MORN1: variants seen among roughly 807,000 people sequenced by gnomAD.
MORN1 encodes the protein MORN repeat containing 1.
A neutral mutation model predicts 61.9 loss-of-function variants in MORN1; 67 were observed. That is an observed-to-expected ratio of 1.08 (90% CI 0.89 to 1.33). MORN1 has a LOEUF of 1.33. Ranked by LOEUF, MORN1 falls within the 40% of genes most tolerant of loss-of-function variation. The pLI is 0.00. For missense variants in MORN1, 752 were observed against 691.2 expected (o/e 1.09, Z -0.99); for synonymous variants, 301 against 292.0 (o/e 1.03, Z -0.31).
Position 2,321,591 on chromosome 1 carries a change from G to T in MORN1, c.1298-12C>A, listed in dbSNP as rs370949395. The T allele has an allele frequency of 3.4e-6, 5 of 1,470,164 alleles. No individual in the cohort carries two copies. Among genetic ancestry groups the T allele is most frequent in the Non-Finnish European group, 4.5e-6 (5 of 1,106,648 alleles). 91.1% of individuals were successfully genotyped at this position (1,470,164 alleles called of 1,614,324 possible). On this transcript the variant is annotated splice_polypyrimidine_tract_variant and intron_variant, in intron 13 of 13. Coordinates refer to ENST00000378531, the MANE Select transcript of MORN1 (RefSeq NM_024848.3). Reference sequence around the variant, plus strand: ...GAGCACGTACTCCCCTGCAAGGGGCGGGTGGGCTGGTCCTCAGCAGGCTCC... The same window carrying T: ...GAGCACGTACTCCCCTGCAAGGGGCTGGTGGGCTGGTCCTCAGCAGGCTCC...
At position 2,322,899 on chromosome 1, in the gene MORN1, C is replaced by T. The variant is rs1025207518; in HGVS notation, c.1297+1198G>A. The T allele has an allele frequency of 7.7e-5, 76 of 985,430 alleles. No individual in the cohort carries two copies. In the East Asian group the frequency reaches 1.6e-3, roughly 21 times the overall value. The allele number at this position is 985,430 out of a possible 1,614,324, so 61.0% of individuals were successfully genotyped here. A position where few individuals can be genotyped will look rare whatever the true frequency, so the allele number is the denominator to read the frequency against. ...AGGGCTCTGGCTGGTGGCCACCGTG[C>T]GGCAGGCCGGGCCTCGACGGCCACG... On this transcript the variant is annotated intron_variant, in intron 13 of 13. Coordinates refer to ENST00000378531, the MANE Select transcript of MORN1 (RefSeq NM_024848.3).
chr1:2,366,368 C>A (rs1351045987), intron 8 of MORN1, among the ~76,000 whole-genome samples: 1 of 151,862 alleles, frequency 6.6e-6, no homozygotes, highest in Non-Finnish European at 1.5e-5. Flanking sequence ...AGGAGATATA[C>A]TTAATGCTAA....
At chr1:2,386,318 G>C (rs1233844216) in intron 4 of MORN1, 1 of 174,542 alleles carries the variant, frequency 5.7e-6, no homozygotes, top group African/African-American at 2.4e-5. Flanking sequence ...GGCAGGGCTT[G>C]ACCTGAACGA....
At chr1:2,341,712 A>G (rs1016566248) in intron 10 of MORN1, among the ~76,000 whole-genome samples, 5 of 151,360 alleles carry the variant, frequency 3.3e-5, no homozygotes, top group African/African-American at 1.2e-4. Context: ...AAAAAAAAAG[A>G]AAAAGAAAAG....
intron 12 of MORN1, among the ~76,000 whole-genome samples, chr1:2,329,505 C>A (rs534969780): frequency 6.6e-6 from 1 of 152,232 alleles, no homozygotes; most frequent in Admixed American, 6.5e-5. Context: ...CCCAGCCCCC[C>A]GCCTGCGGGA....
At chr1:2,350,922 A>G (rs1641630696) in intron 10 of MORN1, 1 of 152,424 alleles carries the variant, frequency 6.6e-6, no homozygotes, top group South Asian at 2.1e-4. Flanking sequence ...TGCTCTCTCG[A>G]AGCCTCCTTC....
chr1:2,359,252 G>C (rs530292287), intron 8 of MORN1, among the ~76,000 whole-genome samples: 1 of 152,142 alleles, frequency 6.6e-6, no homozygotes, highest in Non-Finnish European at 1.5e-5. Context: ...CGGGGGGATG[G>C]GCTCCCCCCT....
Position 2,384,972 on chromosome 1 carries a change from G to T in MORN1, c.537+6C>A, listed in dbSNP as rs750699371. 6.4e-6 allele frequency: 10 copies of T among 1,563,892 alleles called. No individual in the cohort carries two copies. Among genetic ancestry groups the T allele is most frequent in the Non-Finnish European group, 8.7e-6 (10 of 1,154,752 alleles). ...TGGGCAGCAGGTGCCGCGCGCCCCCGGGTACCTTGTAGGTGGAGCCGTCGG... is the reference window on the plus strand; with the variant it reads ...TGGGCAGCAGGTGCCGCGCGCCCCCTGGTACCTTGTAGGTGGAGCCGTCGG... On this transcript the variant is annotated splice_donor_region_variant and intron_variant, in intron 6 of 13. Coordinates refer to ENST00000378531, the MANE Select transcript of MORN1 (RefSeq NM_024848.3).
At chr1:2,369,373 A>G (rs1475125872) in intron 8 of MORN1, among the ~76,000 whole-genome samples, 1 of 151,590 alleles carries the variant, frequency 6.6e-6, no homozygotes, top group Non-Finnish European at 1.5e-5. Flanking sequence ...AAAAAAAAAA[A>G]AAGAAGACAG....
At position 2,324,133 on chromosome 1, in the gene MORN1, T is replaced by A; in HGVS notation, c.1261A>T (p.Arg421Ter). Residue 421 changes from arginine to a stop codon, truncating the protein, a stop_gained, in exon 13 of 14, where the codon AGA becomes TGA. Coordinates refer to ENST00000378531, the MANE Select transcript of MORN1 (RefSeq NM_024848.3). LOFTEE classifies it low-confidence loss of function (END_TRUNC). Reference sequence around the variant, plus strand: ...GCCGCAGCCTGCTCCTCCGTGGCTCTCCCCTCAGGCCTGTGGAGACGACAC... The same window carrying A: ...GCCGCAGCCTGCTCCTCCGTGGCTCACCCCTCAGGCCTGTGGAGACGACAC... ...EPPGGSRPEG[R>*]ATEEQAAAAH... The A allele has an allele frequency of 1.2e-6, 2 of 1,600,076 alleles. No homozygotes were observed. The highest frequency in any genetic ancestry group is 8.5e-7 in the Non-Finnish European group (1 of 1,174,638).
At chr1:2,369,498 TG>T in intron 8 of MORN1, among the ~76,000 whole-genome samples, 1 of 152,130 alleles carries the variant, frequency 6.6e-6, no homozygotes, top group South Asian at 2.1e-4. Context: ...GAAGTAAAAC[TG>T]TATTTATTTA....
chr1:2,349,026 G>C (rs1262406954), intron 10 of MORN1, among the ~76,000 whole-genome samples: 3 of 152,074 alleles, frequency 2.0e-5, no homozygotes, highest in African/African-American at 7.2e-5. Flanking sequence ...CTCAGCACAG[G>C]GACACCCCAT....
intron 6 of MORN1, among the ~76,000 whole-genome samples, chr1:2,383,380 A>G (rs941310295): frequency 3.6e-4 from 54 of 152,086 alleles, no homozygotes; most frequent in African/African-American, 1.2e-3. Flanking sequence ...GCACCCTAGA[A>G]AACCTCTCTA....
intron 6 of MORN1, among the ~76,000 whole-genome samples, chr1:2,379,505 A>G (rs950953966): frequency 6.6e-6 from 1 of 152,092 alleles, no homozygotes; most frequent in Non-Finnish European, 1.5e-5. Flanking sequence ...CTGTGCACAA[A>G]GGCACTCCAC....
At chr1:2,342,853 T>TTTTATTTTA in intron 10 of MORN1, among the ~76,000 whole-genome samples, 1 of 104,416 alleles carries the variant, frequency 9.6e-6, no homozygotes, top group South Asian at 2.9e-4. Context: ...TTTTATTTTA[T>TTTTATTTTA]TTTATTTTAT....
intron 2 of MORN1, among the ~76,000 whole-genome samples, chr1:2,388,775 CAAAAAAAAAAA>C (rs57362688): frequency 1.2e-4 from 8 of 64,564 alleles, no homozygotes; most frequent in South Asian, 1.1e-3. Flanking sequence ...AAGACTGTCT[CAAAAAAAAAAA>C]AAAAAAAAAA....
rs144624284 is a variant in MORN1 at position 2,338,697 on chromosome 1, C to A, written c.1037-1847G>T. 1.7e-4 allele frequency among the ~76,000 whole-genome samples: 26 copies of A among 152,302 alleles called. No individual in the cohort carries two copies. In the East Asian group the frequency reaches 2.7e-3, roughly 16 times the overall value. On this transcript the variant is annotated intron_variant, in intron 10 of 13. Coordinates refer to ENST00000378531, the MANE Select transcript of MORN1 (RefSeq NM_024848.3). ...TTAGAAGCCCAGCAGGCATTCCTGG[C>A]GTGCAAATAAACATATATCCACATG... is the stretch of plus-strand genomic sequence containing the variant.
intron 1 of MORN1, chr1:2,390,544 G>A: frequency 1.0e-6 from 1 of 985,410 alleles, no homozygotes; most frequent in Non-Finnish European, 1.2e-6. Flanking sequence ...CCAGGAATGG[G>A]CAGGGCTCCC....
At position 2,385,840 on chromosome 1, in the gene MORN1, T is replaced by C. The variant is rs139969895; in HGVS notation, c.416A>G (p.Asn139Ser). 6.9e-5 allele frequency: 112 copies of C among 1,613,812 alleles called. No homozygotes were observed. The highest frequency in any genetic ancestry group is 9.0e-5 in the Non-Finnish European group (106 of 1,180,010). ...CATCTGCCCAGGGCCGTGCCTCTTG[T>C]TGTCATGGAAGGAGCCCTGGTACAC... ...GQVYQGSFHD[N>S]KRHGPGQMLF... The change falls in exon 5 of 14, where the codon AAC (asparagine) becomes AGC (serine). Residue 139 changes from asparagine to serine, a missense_variant. By Grantham distance (46) the Asn-to-Ser change is conservative. Coordinates refer to ENST00000378531, the MANE Select transcript of MORN1 (RefSeq NM_024848.3).
Sources: allele counts gnomAD v4.1 joint callset (sites outside exome capture counted in the v4.1 genomes callset), GRCh38; gene constraint gnomAD v4.1.1; transcripts MANE v1.5; gene names NCBI Gene and HGNC (gene_info 2026-07-23, HGNC 2026-07-21).